The following NRG3 variants were observed in gnomAD, a reference collection of about 807,000 sequenced individuals.
The protein encoded by NRG3 is pro-neuregulin-3, membrane-bound isoform.
Under a neutral mutation model 66.9 loss-of-function variants are expected in NRG3, and 31 were observed. That is an observed-to-expected ratio of 0.46 (90% confidence interval 0.35 to 0.63). The LOEUF is 0.63. Among genes scored for constraint, NRG3 ranks in the 20% least tolerant of loss-of-function variants. The pLI is 0.00. For missense variants in NRG3, 910 were observed against 878.9 expected (o/e 1.04, Z -0.45); for synonymous variants, 393 against 359.4 (o/e 1.09, Z -1.06).
At chr10:82,016,988 C>A (rs534213231) in intron 1 of NRG3, among the ~76,000 whole-genome samples, 6 of 152,006 alleles carry the variant, frequency 3.9e-5, no homozygotes, top group Non-Finnish European at 8.8e-5. Context: ...ACAACGTGCA[C>A]GTTTGTTACA....
chr10:82,003,487 G>A (rs1207132557), intron 1 of NRG3, among the ~76,000 whole-genome samples: 1 of 152,154 alleles, frequency 6.6e-6, no homozygotes, highest in Non-Finnish European at 1.5e-5. Context: ...GAAAGAGAAG[G>A]TAGGACTAAG....
At chr10:81,886,153 ATCCCAGAAC>A (rs1321325811) in intron 1 of NRG3, among the ~76,000 whole-genome samples, 1 of 152,090 alleles carries the variant, frequency 6.6e-6, no homozygotes, top group Non-Finnish European at 1.5e-5. Context: ...CTGCACATGT[ATCCCAGAAC>A]TTAAATAAAA....
At chr10:82,647,984 G>A (rs1591011898) in intron 2 of NRG3, among the ~76,000 whole-genome samples, 1 of 147,334 alleles carries the variant, frequency 6.8e-6, no homozygotes, top group Non-Finnish European at 1.5e-5. Flanking sequence ...AGTTTCTTTT[G>A]CTGTGCAGAA....
intron 1 of NRG3, among the ~76,000 whole-genome samples, chr10:82,078,845 A>G (rs904116208): frequency 2.6e-5 from 4 of 152,192 alleles, no homozygotes; most frequent in African/African-American, 9.7e-5. Context: ...CATCCCAGGC[A>G]TTTCCTGTAG....
At chr10:82,301,450 C>T (rs2080394708) in intron 1 of NRG3, among the ~76,000 whole-genome samples, 1 of 152,036 alleles carries the variant, frequency 6.6e-6, no homozygotes, top group South Asian at 2.1e-4. Context: ...TAGGAAGGAA[C>T]AAGACAGAAT....
rs562521000 is a variant in NRG3, at chr10:82,615,719, C to T, written c.954-122858C>T. Among the ~76,000 whole-genome samples, 6 of 152,086 alleles carry T rather than the reference C, an allele frequency of 3.9e-5. No homozygotes were observed. In the South Asian group the frequency reaches 1.2e-3, roughly 32 times the overall value. On this transcript the variant is annotated intron_variant, in intron 2 of 8. Coordinates refer to ENST00000372141, the MANE Select transcript of NRG3 (RefSeq NM_001010848.4). ...GTTTAATAAGTTTCACACTTTAAAA[C>T]TCATTTTATTATCACAACTGAAGAA...
intron 1 of NRG3, among the ~76,000 whole-genome samples, chr10:82,293,702 T>C (rs950701553): frequency 6.6e-5 from 10 of 152,160 alleles, no homozygotes; most frequent in African/African-American, 2.4e-4. Context: ...TAATGTATCT[T>C]GTTAAAGTTT....
chr10:82,894,448 TA>T (rs1843456129), intron 4 of NRG3, among the ~76,000 whole-genome samples: 1 of 152,194 alleles, frequency 6.6e-6, no homozygotes, highest in Non-Finnish European at 1.5e-5. Context: ...TAAGCTGCTC[TA>T]CAAATCTACA....
chr10:82,384,551 T>C (rs1479913855), intron 2 of NRG3, among the ~76,000 whole-genome samples: 2 of 152,218 alleles, frequency 1.3e-5, no homozygotes, highest in Non-Finnish European at 2.9e-5. Context: ...GTTTCTGCAT[T>C]CGTCTGCTAA....
At chr10:82,821,175 G>T (rs2061937025) in intron 3 of NRG3, among the ~76,000 whole-genome samples, 1 of 152,138 alleles carries the variant, frequency 6.6e-6, no homozygotes, top group East Asian at 1.9e-4. Context: ...GCAACCTAGA[G>T]CCACACAGCT....
Position 82,028,009 on chromosome 10 carries a change from T to A in NRG3, c.823+151846T>A, listed in dbSNP as rs188849548. Among the ~76,000 whole-genome samples, 3 of 152,236 alleles carry A rather than the reference T, an allele frequency of 2.0e-5. No individual in the cohort carries two copies. In the East Asian group the frequency reaches 5.8e-4, roughly 30 times the overall value. On this transcript the variant is annotated intron_variant, in intron 1 of 8. Coordinates refer to ENST00000372141, the MANE Select transcript of NRG3 (RefSeq NM_001010848.4). ...TGCACTCTTTTTGGCTGGGTTGTATTATTAACTGCTGGGAATATTTTTCTC... is the reference window on the plus strand; with the variant it reads ...TGCACTCTTTTTGGCTGGGTTGTATAATTAACTGCTGGGAATATTTTTCTC...
At chr10:82,201,556 G>T (rs1024602372) in intron 1 of NRG3, among the ~76,000 whole-genome samples, 1 of 152,074 alleles carries the variant, frequency 6.6e-6, no homozygotes, top group African/African-American at 2.4e-5. Flanking sequence ...GACCATTTTG[G>T]TGAGAGGCCT....
intron 1 of NRG3, among the ~76,000 whole-genome samples, chr10:82,183,273 A>G (rs1433180822): frequency 6.6e-6 from 1 of 151,522 alleles, no homozygotes; most frequent in Non-Finnish European, 1.5e-5. Context: ...CCCATAATTC[A>G]TGTAGTGGCC....
intron 1 of NRG3, among the ~76,000 whole-genome samples, chr10:82,208,137 G>A (rs1342992569): frequency 6.6e-6 from 1 of 152,004 alleles, no homozygotes; most frequent in African/African-American, 2.4e-5. Context: ...AAGTCTCATC[G>A]ATATAAATTA....
At chr10:82,793,323 G>T (rs1165925823) in intron 3 of NRG3, among the ~76,000 whole-genome samples, 1 of 151,860 alleles carries the variant, frequency 6.6e-6, no homozygotes, top group Non-Finnish European at 1.5e-5. Context: ...ACCATTTCTT[G>T]GCTCACATTA....
chr10:82,850,881 G>A (rs2063529704), intron 3 of NRG3, among the ~76,000 whole-genome samples: 2 of 152,108 alleles, frequency 1.3e-5, no homozygotes, highest in South Asian at 4.1e-4. Context: ...CAAAATGTGG[G>A]GTGGATGTGT....
intron 1 of NRG3, among the ~76,000 whole-genome samples, chr10:82,344,457 G>C (rs374031719): frequency 9.4e-5 from 14 of 149,172 alleles, no homozygotes; most frequent in African/African-American, 2.6e-4. Flanking sequence ...TTAATCCAGT[G>C]TATCATTGTT....
At chr10:82,864,308 C>A (rs1220370234) in intron 3 of NRG3, among the ~76,000 whole-genome samples, 1 of 151,986 alleles carries the variant, frequency 6.6e-6, no homozygotes, top group Non-Finnish European at 1.5e-5. Flanking sequence ...AAATTTTATA[C>A]TATGTATATA....
intron 6 of NRG3, among the ~76,000 whole-genome samples, chr10:82,967,427 ACTGT>A (rs1336619202): frequency 6.6e-6 from 1 of 151,912 alleles, no homozygotes; most frequent in Non-Finnish European, 1.5e-5. Context: ...CCTCCTTCCC[ACTGT>A]CTATTATTCA....
Sources: allele counts gnomAD v4.1 joint callset (sites outside exome capture counted in the v4.1 genomes callset), GRCh38; gene constraint gnomAD v4.1.1; transcripts MANE v1.5; gene names NCBI Gene and HGNC (gene_info 2026-07-23, HGNC 2026-07-21).